Variants in SYT9 observed in about 807,000 individuals in gnomAD.
SYT9 encodes the protein synaptotagmin-9.
In SYT9, 22 loss-of-function variants were observed where a neutral mutation model predicts 48.4. The ratio of observed to expected loss-of-function variants is 0.45; its 90% CI spans 0.32 to 0.65. The LOEUF is 0.65. SYT9 is among the 30% of genes least tolerant of loss of function. The pLI, the probability that SYT9 is intolerant of heterozygous loss-of-function variation, is 0.03. For synonymous variants in SYT9, 265 were observed against 245.0 expected, an observed-to-expected ratio of 1.08 and a Z score of -0.76; for missense variants, 577 against 622.0, an observed-to-expected ratio of 0.93 and a Z score of 0.77.
intron 1 of SYT9, among the ~76,000 whole-genome samples, chr11:7,301,955 C>T (rs545567650): frequency 6.6e-6 from 1 of 152,318 alleles, no homozygotes; most frequent in South Asian, 2.1e-4. Flanking sequence ...GGATACTGAA[C>T]TGCCAAGACT....
chr11:7,437,034 C>T (rs1446004560), intron 6 of SYT9, among the ~76,000 whole-genome samples: 2 of 152,214 alleles, frequency 1.3e-5, no homozygotes, highest in Non-Finnish European at 2.9e-5. Context: ...CAGTGAAAGA[C>T]GCTGGACAAG....
chr11:7,380,992 C>T (rs999962638), intron 3 of SYT9, among the ~76,000 whole-genome samples: 2 of 152,092 alleles, frequency 1.3e-5, no homozygotes, highest in African/African-American at 4.8e-5. Flanking sequence ...CCTAGTGTGC[C>T]ATACCGAAAT....
At position 7,365,609 on chromosome 11, in the gene SYT9, AAAAT is replaced by A. The variant is rs951480567; in HGVS notation, c.1045-50428_1045-50425del. On this transcript the variant is annotated intron_variant, in intron 3 of 6. Transcript: ENST00000318881. Reference sequence around the variant, plus strand: ...CATTGTATAGGTGACAATTTTTAAAAAAATAAATGAATGAATTAGCGAATTAAAC... The same window carrying A: ...CATTGTATAGGTGACAATTTTTAAAAAAATGAATGAATTAGCGAATTAAAC... 1.7e-3 allele frequency among the ~76,000 whole-genome samples: 259 copies of A among 152,304 alleles called. 1 individual carries two copies. Among genetic ancestry groups the A allele is most frequent in the African/African-American group, 5.9e-3 (245 of 41,558 alleles).
intron 3 of SYT9, among the ~76,000 whole-genome samples, chr11:7,329,665 C>G (rs1255680556): frequency 2.0e-5 from 3 of 152,218 alleles, no homozygotes; most frequent in African/African-American, 7.2e-5. Context: ...ACCATCCTCA[C>G]ACTCAAGAAA....
At chr11:7,243,845 T>C (rs1847765597) in intron 1 of SYT9, among the ~76,000 whole-genome samples, 2 of 152,198 alleles carry the variant, frequency 1.3e-5, no homozygotes, top group African/African-American at 4.8e-5. Flanking sequence ...TCCTCTTCTC[T>C]CTTTGGAGCA....
At chr11:7,290,604 AATCAC>A (rs1040456122) in intron 1 of SYT9, among the ~76,000 whole-genome samples, 58 of 152,176 alleles carry the variant, frequency 3.8e-4, no homozygotes, top group African/African-American at 1.4e-3. Flanking sequence ...CTTTTTCCTA[AATCAC>A]ATTTTTAGTG....
intron 6 of SYT9, among the ~76,000 whole-genome samples, chr11:7,431,772 G>A (rs1250223820): frequency 6.6e-6 from 1 of 152,248 alleles, no homozygotes; most frequent in Non-Finnish European, 1.5e-5. Flanking sequence ...TTAAGAGAAT[G>A]CAAGCCATAA....
chr11:7,449,382 C>T (rs1848001229), intron 6 of SYT9, among the ~76,000 whole-genome samples: 1 of 150,998 alleles, frequency 6.6e-6, no homozygotes. Context: ...GCCAGGCCAC[C>T]CTGAGGTGCA....
Position 7,335,458 on chromosome 11 carries a change from C to G in SYT9, c.1044+21517C>G, listed in dbSNP as rs138671360. 8.0e-4 allele frequency among the ~76,000 whole-genome samples: 121 copies of G among 152,136 alleles called. 1 individual carries two copies. Among genetic ancestry groups the G allele is most frequent in the African/African-American group, 2.5e-3 (104 of 41,492 alleles). ...CAATAATTATTTTTTCTGATCCTTTCCCTCCTCCCACCCTCCACCCCCAGA... is the reference window on the plus strand; with the variant it reads ...CAATAATTATTTTTTCTGATCCTTTGCCTCCTCCCACCCTCCACCCCCAGA... On this transcript the variant is annotated intron_variant, in intron 3 of 6. Transcript: ENST00000318881.
chr11:7,375,548 G>A (rs1850437331), intron 3 of SYT9, among the ~76,000 whole-genome samples: 1 of 152,134 alleles, frequency 6.6e-6, no homozygotes, highest in African/African-American at 2.4e-5. Context: ...ATATCCATGA[G>A]CATAGAATGT....
chr11:7,426,309 T>C (rs901871146), intron 6 of SYT9, among the ~76,000 whole-genome samples: 3 of 152,130 alleles, frequency 2.0e-5, no homozygotes, highest in African/African-American at 7.2e-5. Context: ...AGTCTCAGCA[T>C]AGAAACTTGG....
chr11:7,380,640 A>G (rs1365651865), intron 3 of SYT9, among the ~76,000 whole-genome samples: 1 of 152,140 alleles, frequency 6.6e-6, no homozygotes, highest in Non-Finnish European at 1.5e-5. Context: ...AAAACAGAAA[A>G]TAAAAAAATA....
In SYT9 at chr11:7,468,564, G is replaced by A. The variant is rs1414632744; in HGVS notation, c.*1764G>A. ...TTTAGAAGCAAAACATGAAGGGCTA[G>A]CGCCACCAGGATAGTTAGCAGAAAT... On this transcript the variant is annotated 3_prime_UTR_variant, in exon 7 of 7. Transcript: ENST00000318881. 8.0e-6 allele frequency: 3 copies of A among 373,612 alleles called. No individual in the cohort carries two copies. The East Asian group carries it at 1.2e-4, about 15-fold the overall frequency. The allele number at this position is 373,612 out of a possible 1,614,324, so 23.1% of individuals were successfully genotyped here.
chr11:7,383,122 A>G (rs1002126646), intron 3 of SYT9, among the ~76,000 whole-genome samples: 1 of 152,228 alleles, frequency 6.6e-6, no homozygotes, highest in East Asian at 1.9e-4. Flanking sequence ...AGGATGATCA[A>G]ACTATTAACG....
At chr11:7,379,633 C>T (rs768642453) in intron 3 of SYT9, among the ~76,000 whole-genome samples, 1 of 152,140 alleles carries the variant, frequency 6.6e-6, no homozygotes, top group East Asian at 1.9e-4. Context: ...TTTGTGCTGA[C>T]AGGAATCTTG....
chr11:7,283,201 A>ATATATATGT (rs1848534317), intron 1 of SYT9, among the ~76,000 whole-genome samples: 1 of 151,342 alleles, frequency 6.6e-6, no homozygotes, highest in African/African-American at 2.4e-5. Context: ...ATATATATTT[A>ATATATATGT]TATATATGTT....
chr11:7,334,677 T>A (rs1438747030), intron 3 of SYT9, among the ~76,000 whole-genome samples: 1 of 55,328 alleles, frequency 1.8e-5, no homozygotes, highest in Non-Finnish European at 4.3e-5. Flanking sequence ...GGTGTTGATC[T>A]GTTTTGTCAC....
chr11:7,373,347 C>T (rs186413689), intron 3 of SYT9, among the ~76,000 whole-genome samples: 9 of 152,196 alleles, frequency 5.9e-5, no homozygotes, highest in African/African-American at 1.7e-4. Flanking sequence ...ATCAGCTACA[C>T]GTGTTATTTT....
intron 3 of SYT9, among the ~76,000 whole-genome samples, chr11:7,344,962 ACT>A (rs1321681272): frequency 7.0e-6 from 1 of 143,432 alleles, no homozygotes; most frequent in Non-Finnish European, 1.5e-5. Context: ...ACACACACAC[ACT>A]TGAATTTTTA....
Sources: allele counts gnomAD v4.1 joint callset (sites outside exome capture counted in the v4.1 genomes callset), GRCh38; gene constraint gnomAD v4.1.1; transcripts MANE v1.5; gene names NCBI Gene and HGNC (gene_info 2026-07-23, HGNC 2026-07-21).